The following ADAMTS12 variants were observed in gnomAD, a reference collection of about 807,000 sequenced individuals.
ADAMTS12 encodes A disintegrin and metalloproteinase with thrombospondin motifs 12.
In ADAMTS12, 118 loss-of-function variants were observed where a neutral mutation model predicts 167.8. The observed-to-expected ratio is 0.70, with a 90% CI of 0.61 to 0.82. The LOEUF is 0.82. ADAMTS12 is among the 40% of genes least tolerant of loss of function. The probability of loss-of-function intolerance (pLI) is 0.00; values close to 1 mark genes in which losing one functional copy is unlikely to be tolerated. For missense variants in ADAMTS12, 1,916 were observed against 1,998.8 expected, an observed-to-expected ratio of 0.96 and a Z score of 0.79; for synonymous variants, 704 against 716.9, an observed-to-expected ratio of 0.98 and a Z score of 0.29.
At position 33,577,050 on chromosome 5, in the gene ADAMTS12, G is replaced by T; in HGVS notation, c.2976C>A (p.Gly992=). The stretch of plus-strand genomic sequence containing the variant: ...TCCGGCTAGAAGGGCATTGCTGGAG[G>T]CCACACAGAGCTCGGCTGTTGGGTT... ...TRKPNSRALC[G]LQQCPSSRRV... The change falls in exon 19 of 24, where the codon GGC becomes GGA. Residue 992 remains glycine, a synonymous_variant. Coordinates refer to ENST00000504830, the MANE Select transcript of ADAMTS12 (RefSeq NM_030955.4). 6.2e-7 allele frequency: 1 copy of T among 1,614,182 alleles called. No individual in the cohort carries two copies. The highest frequency in any genetic ancestry group is 2.2e-5 in the East Asian group (1 of 44,888).
chr5:33,780,652 A>G (rs1294365710), intron 2 of ADAMTS12, among the ~76,000 whole-genome samples: 1 of 152,214 alleles, frequency 6.6e-6, no homozygotes, highest in East Asian at 1.9e-4. Flanking sequence ...TGTTTATGCC[A>G]CCAAGTACTG....
intron 2 of ADAMTS12, among the ~76,000 whole-genome samples, chr5:33,852,744 A>C (rs1749262122): frequency 6.6e-6 from 1 of 152,232 alleles, no homozygotes; most frequent in African/African-American, 2.4e-5. Context: ...AAATCCAGCA[A>C]CATACACCAT....
intron 2 of ADAMTS12, among the ~76,000 whole-genome samples, chr5:33,815,019 C>T (rs991003347): frequency 6.6e-6 from 1 of 152,170 alleles, no homozygotes; most frequent in Non-Finnish European, 1.5e-5. Context: ...GAGTTGCCAA[C>T]TCAGGTGCTG....
At chr5:33,595,023 C>T (rs1051072191) in intron 17 of ADAMTS12, among the ~76,000 whole-genome samples, 1 of 152,148 alleles carries the variant, frequency 6.6e-6, no homozygotes, top group Non-Finnish European at 1.5e-5. Context: ...AAATACATCC[C>T]TGTTTAAGGT....
chr5:33,788,646 T>G (rs987827744), intron 2 of ADAMTS12, among the ~76,000 whole-genome samples: 12 of 152,116 alleles, frequency 7.9e-5, no homozygotes, highest in African/African-American at 2.9e-4. Context: ...AGGAAGCTAT[T>G]TTGAATTTCT....
intron 18 of ADAMTS12, among the ~76,000 whole-genome samples, chr5:33,583,158 C>T (rs776442104): frequency 2.2e-4 from 34 of 152,078 alleles, no homozygotes; most frequent in Non-Finnish European, 4.1e-4. Context: ...TGTTTCTAGC[C>T]TCTAGTAACT....
intron 16 of ADAMTS12, among the ~76,000 whole-genome samples, chr5:33,605,194 G>A (rs1300821246): frequency 6.6e-6 from 1 of 152,136 alleles, no homozygotes; most frequent in Non-Finnish European, 1.5e-5. Flanking sequence ...ATAGATAAAT[G>A]GAATCAACCA....
At chr5:33,632,955 A>C (rs115273561) in intron 12 of ADAMTS12, among the ~76,000 whole-genome samples, 76 of 152,190 alleles carry the variant, frequency 5.0e-4, no homozygotes, top group Non-Finnish European at 8.8e-4. Context: ...TCGCATTTAC[A>C]TAATGGACTG....
rs560424083 is a variant in ADAMTS12, at chr5:33,858,387, TG to T, written c.489+22731del. ...TAGAAAAGGACAAGTCCAGGTGTGC[TG>T]GCTCACGCCTATAATCCCAGCACTT... On this transcript the variant is annotated intron_variant, in intron 2 of 23. Coordinates refer to ENST00000504830, the MANE Select transcript of ADAMTS12 (RefSeq NM_030955.4). 2.7e-3 allele frequency among the ~76,000 whole-genome samples: 408 copies of T among 152,350 alleles called. 1 individual carries two copies. The highest frequency in any genetic ancestry group is 7.0e-3 in the African/African-American group (290 of 41,584).
rs767285990 is a variant in ADAMTS12, at chr5:33,595,902, C to G, written c.2654+32G>C. On this transcript the variant is annotated intron_variant, in intron 17 of 23. Coordinates refer to ENST00000504830, the MANE Select transcript of ADAMTS12 (RefSeq NM_030955.4). ...TGAGTCAGACATCACTGTAGGCAGA[C>G]ACACAGAGCTCCAGCTGTTAGCGAT... 5.0e-6 allele frequency: 8 copies of G among 1,612,838 alleles called. No individual in the cohort carries two copies. In the South Asian group the frequency reaches 8.8e-5, roughly 18 times the overall value.
intron 7 of ADAMTS12, among the ~76,000 whole-genome samples, chr5:33,651,350 T>C (rs1740862720): frequency 6.6e-6 from 1 of 152,238 alleles, no homozygotes; most frequent in African/African-American, 2.4e-5. Flanking sequence ...TTTTAAGTTT[T>C]CTCTCAAAAT....
At position 33,587,901 on chromosome 5, in the gene ADAMTS12, G is replaced by T. The variant is rs946081431; in HGVS notation, c.2865+698C>A. ...CTGCACATAGAGAAGCAGAGCTGAG[G>T]CCCTTGGAGACTTTGGGGCCTTCCA... On this transcript the variant is annotated intron_variant, in intron 18 of 23. Transcript: ENST00000504830. Among the ~76,000 whole-genome samples, 8 of 152,174 alleles carry T rather than the reference G, an allele frequency of 5.3e-5. No individual in the cohort carries two copies. In the South Asian group the frequency reaches 1.2e-3, roughly 24 times the overall value.
At chr5:33,756,012 GTA>G (rs1745156275) in intron 2 of ADAMTS12, among the ~76,000 whole-genome samples, 1 of 152,188 alleles carries the variant, frequency 6.6e-6, no homozygotes, top group Non-Finnish European at 1.5e-5. Flanking sequence ...CTCTTACAAA[GTA>G]TCAATCTATA....
At chr5:33,831,466 CT>C (rs1480852028) in intron 2 of ADAMTS12, among the ~76,000 whole-genome samples, 2 of 152,194 alleles carry the variant, frequency 1.3e-5, no homozygotes, top group South Asian at 2.1e-4. Flanking sequence ...GTGAAAGTTT[CT>C]GCACAAATTA....
At chr5:33,761,812 ACTTAGGCTAAT>A (rs1199691230) in intron 2 of ADAMTS12, among the ~76,000 whole-genome samples, 22 of 152,204 alleles carry the variant, frequency 1.4e-4, no homozygotes, top group African/African-American at 5.3e-4. Flanking sequence ...AAATCTTCCT[ACTTAGGCTAAT>A]AGGCTTTCAC....
chr5:33,653,190 A>T (rs370249782), intron 7 of ADAMTS12, among the ~76,000 whole-genome samples: 1 of 152,066 alleles, frequency 6.6e-6, no homozygotes, highest in Non-Finnish European at 1.5e-5. Context: ...AAGTTGAGGA[A>T]ATTTCAGTTT....
At chr5:33,640,274 CTA>C (rs1241815593) in intron 11 of ADAMTS12, among the ~76,000 whole-genome samples, 2 of 152,204 alleles carry the variant, frequency 1.3e-5, no homozygotes, top group Non-Finnish European at 2.9e-5. Flanking sequence ...CAAAGAGACT[CTA>C]TGACAAACTG....
At chr5:33,581,823 A>C (rs1016797952) in intron 18 of ADAMTS12, among the ~76,000 whole-genome samples, 1 of 152,228 alleles carries the variant, frequency 6.6e-6, no homozygotes, top group Non-Finnish European at 1.5e-5. Context: ...GTGGGCCCTA[A>C]TGGTATCCAC....
intron 1 of ADAMTS12, among the ~76,000 whole-genome samples, chr5:33,888,551 A>G (rs1157111190): frequency 6.6e-6 from 1 of 152,240 alleles, no homozygotes; most frequent in Admixed American, 6.5e-5. Flanking sequence ...AATAGAATAC[A>G]TAAATAATTA....
Sources: gnomAD v4.1 joint callset for allele counts (sites outside exome capture counted in the v4.1 genomes callset) on GRCh38, gnomAD v4.1.1 for gene constraint, MANE v1.5 for transcripts, NCBI Gene and HGNC (gene_info 2026-07-23, HGNC 2026-07-21) for gene names.